NDUFAF6: variants seen among roughly 807,000 people sequenced by gnomAD.
The protein encoded by NDUFAF6 is NADH:ubiquinone oxidoreductase complex assembly factor 6, also known as NADH dehydrogenase (ubiquinone) complex I, assembly factor 6.
Under a neutral mutation model 40.8 loss-of-function variants are expected in NDUFAF6, and 45 were observed. That is an observed-to-expected ratio of 1.10 (90% CI 0.87 to 1.42). The LOEUF is 1.42. Among genes scored for constraint, NDUFAF6 ranks in the 40% most tolerant of loss-of-function variants. NDUFAF6 has a pLI of 0.00. For missense variants in NDUFAF6, 435 were observed against 418.5 expected, an observed-to-expected ratio of 1.04 and a Z score of -0.34; for synonymous variants, 185 against 155.9, an observed-to-expected ratio of 1.19 and a Z score of -1.39.
chr8:95,032,030 T>A lies in NDUFAF6; in HGVS notation c.233T>A (p.Leu78Gln). The change falls in exon 2 of 9, where the codon CTG becomes CAG. Residue 78 changes from leucine (L) to glutamine (Q), a missense_variant. By Grantham distance (113) the Leu-to-Gln change is moderately radical. Transcript: ENST00000396124. ...RDYEGYLCSL[L>Q]LPAESRSSVF... The stretch of plus-strand genomic sequence containing the variant: ...TATGAAGGTTATTTATGCTCCCTGC[T>A]GCTCCCTGCAGAATCCCGAAGCTCT... The A allele has an allele frequency of 6.2e-7, 1 of 1,614,242 alleles. No individual in the cohort carries two copies. Among genetic ancestry groups the A allele is most frequent in the Non-Finnish European group, 8.5e-7 (1 of 1,180,044 alleles).
intron 2 of NDUFAF6, among the ~76,000 whole-genome samples, chr8:94,946,894 A>C (rs994791721): frequency 2.0e-5 from 3 of 152,102 alleles, no homozygotes; most frequent in African/African-American, 7.2e-5. Flanking sequence ...TTAGAATAGC[A>C]GACCTCGGTT....
chr8:94,932,659 T>A (rs970347405), intron 1 of NDUFAF6, among the ~76,000 whole-genome samples: 10 of 151,784 alleles, frequency 6.6e-5, no homozygotes, highest in African/African-American at 1.9e-4. Context: ...AAAAATTAGC[T>A]GGGTGCGGTG....
chr8:94,906,992 G>C (rs1400577272), intron 1 of NDUFAF6, among the ~76,000 whole-genome samples: 1 of 152,204 alleles, frequency 6.6e-6, no homozygotes, highest in Non-Finnish European at 1.5e-5. Flanking sequence ...TGAAAATTCA[G>C]TTGAAACTAC....
rs1315827507 is a variant in NDUFAF6 at position 94,931,776 on chromosome 8, AG to A, written c.-935-13706del. Reference sequence around the variant, plus strand: ...GATCACCTTAATAGAGTTCAAGACCAGCCTGGCCAACATGGTGAAACCCCAT... The same window carrying A: ...GATCACCTTAATAGAGTTCAAGACCACCTGGCCAACATGGTGAAACCCCAT... On this transcript the variant is annotated intron_variant, in intron 1 of 14. Coordinates refer to the NDUFAF6 transcript ENST00000396113. Among the ~76,000 whole-genome samples the A allele has an allele frequency of 2.0e-5, 3 of 152,142 alleles. No individual in the cohort carries two copies. The East Asian group carries it at 5.8e-4, about 29-fold the overall frequency.
At chr8:95,012,618 T>A (rs1827270269) in intron 2 of NDUFAF6, among the ~76,000 whole-genome samples, 1 of 150,080 alleles carries the variant, frequency 6.7e-6, no homozygotes, top group Non-Finnish European at 1.5e-5. Flanking sequence ...GAGACCAGCC[T>A]GGGCAACAGC....
At chr8:95,032,195 G>T in intron 2 of NDUFAF6, 101 bp downstream of exon 2, 1 of 994,146 alleles carries the variant, frequency 1.0e-6, no homozygotes, top group Non-Finnish European at 1.6e-6. Flanking sequence ...TATGTTAGAT[G>T]TGTTTAAGGT....
rs984480643 is a variant in NDUFAF6 at position 95,058,704 on chromosome 8, C to T, written c.*767C>T. The T allele has an allele frequency of 4.0e-6, 4 of 1,010,818 alleles. No individual in the cohort carries two copies. Among genetic ancestry groups the T allele is most frequent in the Admixed American group, 1.2e-4 (2 of 16,948 alleles). The allele number at this position is 1,010,818 out of a possible 1,614,324, so 62.6% of individuals were successfully genotyped here. On this transcript the variant is annotated 3_prime_UTR_variant, in exon 9 of 9. Coordinates refer to ENST00000396124, the MANE Select transcript of NDUFAF6 (RefSeq NM_152416.4). ...TTGAACATCCATTAAAGGGTTGCTA[C>T]ACTTTATACTGTACATTCTGCGCTA...
At chr8:95,027,041 G>A (rs1828239496) in intron 1 of NDUFAF6, among the ~76,000 whole-genome samples, 1 of 152,126 alleles carries the variant, frequency 6.6e-6, no homozygotes, top group Non-Finnish European at 1.5e-5. Flanking sequence ...GCAAGACCCT[G>A]TTTCAAAACA....
chr8:94,920,189 G>C (rs1023582316), intron 1 of NDUFAF6, among the ~76,000 whole-genome samples: 1 of 152,206 alleles, frequency 6.6e-6, no homozygotes, highest in Non-Finnish European at 1.5e-5. Context: ...CACTATATAA[G>C]AACCATCTGG....
chr8:95,103,141 TC>T (rs1809707825), exon 3 of NDUFAF6: 1 of 152,232 alleles, frequency 6.6e-6, no homozygotes, highest in South Asian at 2.1e-4. Context: ...ACATGTTTGT[TC>T]CTGAGCCAAT....
chr8:94,930,649 GT>G (rs1563720176), intron 1 of NDUFAF6: 1 of 1,614,196 alleles, frequency 6.2e-7, no homozygotes, highest in Non-Finnish European at 8.5e-7. Flanking sequence ...CTCTTGGGTT[GT>G]TCCAGAAAAG....
chr8:94,904,433 C>T (rs1037951530), intron 1 of NDUFAF6, among the ~76,000 whole-genome samples: 6 of 145,846 alleles, frequency 4.1e-5, no homozygotes, highest in African/African-American at 1.5e-4. Flanking sequence ...GCCTCGGCCT[C>T]CCAAAGTGCT....
chr8:95,084,711 A>C (rs542753149), intron 2 of NDUFAF6, among the ~76,000 whole-genome samples: 1 of 152,380 alleles, frequency 6.6e-6, no homozygotes, highest in Non-Finnish European at 1.5e-5. Flanking sequence ...AATGCTAAAT[A>C]AGATGGCTAG....
At chr8:95,053,619 T>G (rs899512488) in intron 8 of NDUFAF6, among the ~76,000 whole-genome samples, 3 of 151,562 alleles carry the variant, frequency 2.0e-5, no homozygotes, top group Non-Finnish European at 2.9e-5. Context: ...TTACTTTTCT[T>G]TCTTTTTCTT....
intron 1 of NDUFAF6, among the ~76,000 whole-genome samples, chr8:94,964,673 T>C (rs2131499199): frequency 6.6e-6 from 1 of 152,202 alleles, no homozygotes. Flanking sequence ...CCAAATTTCA[T>C]GTGCACTAAT....
At chr8:94,969,229 G>A (rs1380137447) in intron 1 of NDUFAF6, among the ~76,000 whole-genome samples, 2 of 152,122 alleles carry the variant, frequency 1.3e-5, no homozygotes, top group Non-Finnish European at 2.9e-5. Flanking sequence ...GGAACCTTTG[G>A]AAATAAGAGG....
intron 1 of NDUFAF6, among the ~76,000 whole-genome samples, chr8:94,967,941 A>C (rs1242435898): frequency 5.4e-5 from 1 of 18,388 alleles, no homozygotes; most frequent in African/African-American, 1.1e-4. Context: ...ACTCTGTCTC[A>C]AAAAAAAAAA....
At chr8:95,099,670 G>C (rs867501618), upstream of NDUFAF6, among the ~76,000 whole-genome samples, 1 of 152,140 alleles carries the variant, frequency 6.6e-6, no homozygotes, top group African/African-American at 2.4e-5. Context: ...AGCTCCCCTA[G>C]CAGTAGCTTC....
chr8:95,071,051 A>G (rs370768837), intron 9 of NDUFAF6, among the ~76,000 whole-genome samples: 29 of 152,268 alleles, frequency 1.9e-4, no homozygotes, highest in African/African-American at 7.0e-4. Context: ...AAACAGTAAA[A>G]CCAGCTAGCT....
Sources: gnomAD v4.1 joint callset for allele counts (sites outside exome capture counted in the v4.1 genomes callset) on GRCh38, gnomAD v4.1.1 for gene constraint, MANE v1.5 for transcripts, NCBI Gene and HGNC (gene_info 2026-07-23, HGNC 2026-07-21) for gene names.